The following GRID1 variants were observed in gnomAD, a reference collection of about 807,000 sequenced individuals.
The protein encoded by GRID1 is glutamate ionotropic receptor delta type subunit 1.
In GRID1, 28 loss-of-function variants were observed where a neutral mutation model predicts 98.0. That is an observed-to-expected ratio of 0.29 (90% CI 0.21 to 0.39). GRID1 has a LOEUF of 0.39. Ranked by LOEUF, GRID1 falls within the 10% of genes least tolerant of loss-of-function variation. The pLI is 1.00. For synonymous variants in GRID1, 553 were observed against 538.5 expected, an observed-to-expected ratio of 1.03 and a Z score of -0.37; for missense variants, 1,111 against 1,340.5, an observed-to-expected ratio of 0.83 and a Z score of 2.67.
chr10:86,209,811 G>T (rs1419670180), intron 2 of GRID1, among the ~76,000 whole-genome samples: 1 of 152,034 alleles, frequency 6.6e-6, no homozygotes, highest in Non-Finnish European at 1.5e-5. Context: ...GGCTCTTGTT[G>T]CCCCACCTGC....
chr10:86,363,796 G>A, intron 2 of GRID1, 145 bp downstream of exon 2: 1 of 669,504 alleles, frequency 1.5e-6, no homozygotes, highest in South Asian at 2.0e-5. Flanking sequence ...GGCCGGGGAA[G>A]GCGCGCCACC....
intron 4 of GRID1, among the ~76,000 whole-genome samples, chr10:86,105,930 G>A (rs1844378804): frequency 6.6e-6 from 1 of 152,268 alleles, no homozygotes; most frequent in South Asian, 2.1e-4. Context: ...GTATGCAAGG[G>A]GGACAAGAGG....
chr10:85,659,471 T>C (rs1043095000), intron 12 of GRID1, among the ~76,000 whole-genome samples: 1 of 152,216 alleles, frequency 6.6e-6, no homozygotes, highest in South Asian at 2.1e-4. Flanking sequence ...GACATCTGCC[T>C]GCCTGAGTTT....
At chr10:85,776,785 C>T (rs1024360077) in intron 8 of GRID1, among the ~76,000 whole-genome samples, 5 of 152,166 alleles carry the variant, frequency 3.3e-5, no homozygotes, top group African/African-American at 4.8e-5. Context: ...TAAAGTGAGG[C>T]AGGGATGAAG....
At chr10:85,619,131 C>A (rs577543641) in intron 14 of GRID1, among the ~76,000 whole-genome samples, 1 of 152,320 alleles carries the variant, frequency 6.6e-6, no homozygotes, top group East Asian at 1.9e-4. Flanking sequence ...CAGATATGTG[C>A]AAGAAGATGG....
At chr10:85,867,563 G>C (rs565737078) in intron 6 of GRID1, among the ~76,000 whole-genome samples, 1 of 152,280 alleles carries the variant, frequency 6.6e-6, no homozygotes, top group Non-Finnish European at 1.5e-5. Flanking sequence ...CAGAGGCACA[G>C]TGAGAGGAAC....
rs116525450 is a variant in GRID1 at position 86,116,447 on chromosome 10, G to A, written c.726+22372C>T. Among the ~76,000 whole-genome samples, 558 of 152,302 alleles carry A rather than the reference G, an allele frequency of 3.7e-3. 3 individuals carry two copies. The highest frequency in any genetic ancestry group is 0.013 in the African/African-American group (528 of 41,564). On this transcript the variant is annotated intron_variant, in intron 4 of 15. Coordinates refer to ENST00000327946, the MANE Select transcript of GRID1 (RefSeq NM_017551.3). ...GAGCACTCAGGGAGGAGCCCAGGGT[G>A]AGAAGCTGCCCTTCCCAAACAGCTG...
chr10:86,025,200 G>A (rs1317920320), intron 4 of GRID1, among the ~76,000 whole-genome samples: 1 of 152,186 alleles, frequency 6.6e-6, no homozygotes, highest in African/African-American at 2.4e-5. Context: ...CCGGACACAT[G>A]GCTTCCCCTG....
At chr10:86,149,317 G>C (rs966004181) in intron 3 of GRID1, among the ~76,000 whole-genome samples, 1 of 152,204 alleles carries the variant, frequency 6.6e-6, no homozygotes, top group African/African-American at 2.4e-5. Flanking sequence ...TGCTCAGACA[G>C]GTTTCAGAAC....
rs185864014 is a variant in GRID1 at position 85,640,218 on chromosome 10, A to G, written c.2193+6984T>C. Among the ~76,000 whole-genome samples, 338 of 152,372 alleles carry G rather than the reference A, an allele frequency of 2.2e-3. 2 individuals carry two copies. The highest frequency in any genetic ancestry group is 7.9e-3 in the African/African-American group (330 of 41,592). On this transcript the variant is annotated intron_variant, in intron 13 of 15. Coordinates refer to ENST00000327946, the MANE Select transcript of GRID1 (RefSeq NM_017551.3). ...AGATAGCATCCAAGTTGCAAAATAG[A>G]TATAGGGTCTTTTGAGCAGGTACAA...
At chr10:86,056,841 T>C (rs141406595) in intron 4 of GRID1, among the ~76,000 whole-genome samples, 6 of 152,268 alleles carry the variant, frequency 3.9e-5, no homozygotes, top group South Asian at 4.1e-4. Context: ...GAAAACCACA[T>C]AGCAATCAGG....
At chr10:86,356,484 C>A (rs1215526556) in intron 2 of GRID1, among the ~76,000 whole-genome samples, 32 of 152,136 alleles carry the variant, frequency 2.1e-4, no homozygotes, top group Admixed American at 2.1e-3. Flanking sequence ...CTGGTTGTGG[C>A]CAACGAGTCA....
At chr10:86,301,325 C>T (rs1186541390) in intron 2 of GRID1, among the ~76,000 whole-genome samples, 1 of 152,372 alleles carries the variant, frequency 6.6e-6, no homozygotes, top group East Asian at 1.9e-4. Flanking sequence ...CAATCAGCTC[C>T]ATCTATCTAT....
At chr10:86,288,401 G>T (rs1057425054) in intron 2 of GRID1, among the ~76,000 whole-genome samples, 1 of 152,208 alleles carries the variant, frequency 6.6e-6, no homozygotes, top group African/African-American at 2.4e-5. Context: ...GAGGGAGGGG[G>T]TTCTCTCTGG....
At chr10:85,602,796 T>C in intron 15 of GRID1, 95 bp from the exon 16 acceptor site, 1 of 887,190 alleles carries the variant, frequency 1.1e-6, no homozygotes, top group South Asian at 1.7e-5. Flanking sequence ...CCAGGCCTGG[T>C]CAGCCTGTTG....
At chr10:85,947,522 A>G (rs980854957) in intron 4 of GRID1, among the ~76,000 whole-genome samples, 1 of 152,220 alleles carries the variant, frequency 6.6e-6, no homozygotes, top group African/African-American at 2.4e-5. Flanking sequence ...TAGAAGACCC[A>G]GTCATTGTCC....
chr10:86,091,295 G>A (rs137895312), intron 4 of GRID1, among the ~76,000 whole-genome samples: 19 of 152,196 alleles, frequency 1.2e-4, no homozygotes, highest in African/African-American at 3.4e-4. Flanking sequence ...CTATTGTGGC[G>A]GGCACCGTGA....
rs1170021513 is a variant in GRID1 at position 85,660,801 on chromosome 10, T to A, written c.1998-13404A>T. Among the ~76,000 whole-genome samples the A allele has an allele frequency of 3.9e-5, 6 of 152,214 alleles. No individual in the cohort carries two copies. In the South Asian group the frequency reaches 1.2e-3, roughly 32 times the overall value. ...ACTTCCTTGCTTTTAGGAGAACTCA[T>A]GCTGGAGTGGCAGGGCAGGGAAGGA... On this transcript the variant is annotated intron_variant, in intron 12 of 15. Coordinates refer to ENST00000327946, the MANE Select transcript of GRID1 (RefSeq NM_017551.3).
At chr10:85,756,286 T>C (rs1842097596) in intron 8 of GRID1, among the ~76,000 whole-genome samples, 1 of 152,202 alleles carries the variant, frequency 6.6e-6, no homozygotes. Flanking sequence ...AGAAGATTCG[T>C]TCTCGCCGTA....
Sources: allele counts gnomAD v4.1 joint callset (sites outside exome capture counted in the v4.1 genomes callset), GRCh38; gene constraint gnomAD v4.1.1; transcripts MANE v1.5; gene names NCBI Gene and HGNC (gene_info 2026-07-23, HGNC 2026-07-21).